CHD6: variants seen among roughly 807,000 people sequenced by gnomAD.
CHD6 encodes the protein chromodomain helicase DNA binding protein 6, also known as ATP-dependent chromatin remodeler CHD6.
Under a neutral mutation model 276.9 loss-of-function variants are expected in CHD6, and 50 were observed. The observed-to-expected ratio is 0.18, with a 90% confidence interval of 0.14 to 0.23. CHD6 has a LOEUF of 0.23. Ranked by LOEUF, CHD6 falls within the 10% of genes least tolerant of loss-of-function variation. The pLI is 1.00. For missense variants in CHD6, 2,564 were observed against 3,365.8 expected (o/e 0.76, Z 5.89); for synonymous variants, 1,173 against 1,229.3 (o/e 0.95, Z 0.96).
chr20:41,550,004 T>C (rs1242702800), intron 2 of CHD6, among the ~76,000 whole-genome samples: 2 of 152,240 alleles, frequency 1.3e-5, no homozygotes, highest in Non-Finnish European at 2.9e-5. Context: ...TTTTGCCATG[T>C]TGGCCAGGCT....
At chr20:41,478,185 T>C (rs1214344222) in intron 16 of CHD6, among the ~76,000 whole-genome samples, 1 of 152,112 alleles carries the variant, frequency 6.6e-6, no homozygotes, top group East Asian at 1.9e-4. Flanking sequence ...CAACAAGCCT[T>C]GCTCACATAC....
intron 1 of CHD6, among the ~76,000 whole-genome samples, chr20:41,571,685 T>C (rs776757176): frequency 9.9e-5 from 15 of 152,238 alleles, no homozygotes; most frequent in Middle Eastern, 3.4e-3. Context: ...ACAACCTTCA[T>C]ATGGTTTTTA....
intron 16 of CHD6, among the ~76,000 whole-genome samples, chr20:41,480,526 A>G (rs1448038106): frequency 1.3e-5 from 2 of 152,210 alleles, no homozygotes; most frequent in Non-Finnish European, 2.9e-5. Context: ...ACAAATATTA[A>G]CCTAACTCAA....
intron 1 of CHD6, among the ~76,000 whole-genome samples, chr20:41,591,192 C>T (rs1309392653): frequency 8.0e-6 from 1 of 124,806 alleles, no homozygotes; most frequent in Non-Finnish European, 1.6e-5. Context: ...AGGGGAACAT[C>T]ACACACCGGG....
rs372744290 is a variant in CHD6 at position 41,405,047 on chromosome 20, G to A, written c.7694C>T (p.Thr2565Ile). The change falls in exon 37 of 37, where the codon ACT becomes ATT. Residue 2565 changes from threonine to isoleucine, a missense_variant. Coordinates refer to ENST00000373233, the MANE Select transcript of CHD6 (RefSeq NM_032221.5). ...CGGCTTGTCTTCCGCAGTCTTTTCA[G>A]TCACTGCCGTACCACTTTTCGTTGT... ...SSTTKSGTAV[T>I]EKTAEDKPSS... is the part of the protein sequence containing the mutation. The A allele has an allele frequency of 1.2e-6, 2 of 1,614,224 alleles. No individual in the cohort carries two copies. Among genetic ancestry groups the A allele is most frequent in the South Asian group, 2.2e-5 (2 of 91,080 alleles).
chr20:41,617,803 G>A (rs993057104), intron 1 of CHD6, among the ~76,000 whole-genome samples: 6 of 151,456 alleles, frequency 4.0e-5, no homozygotes, highest in African/African-American at 1.5e-4. Flanking sequence ...ACAGCAGCCT[G>A]GCACCAGCCC....
intron 1 of CHD6, among the ~76,000 whole-genome samples, chr20:41,569,969 T>C (rs1382216531): frequency 6.6e-6 from 1 of 152,162 alleles, no homozygotes; most frequent in East Asian, 1.9e-4. Context: ...CCTGTTCCAA[T>C]GTTCCCTTCC....
chr20:41,409,937 T>C (rs2046793770), intron 36 of CHD6, among the ~76,000 whole-genome samples: 1 of 152,148 alleles, frequency 6.6e-6, no homozygotes, highest in Admixed American at 6.5e-5. Flanking sequence ...AGTATATGTG[T>C]GTGTATACAT....
intron 1 of CHD6, among the ~76,000 whole-genome samples, chr20:41,606,372 G>C (rs2146296745): frequency 6.6e-6 from 1 of 152,340 alleles, no homozygotes; most frequent in Non-Finnish European, 1.5e-5. Flanking sequence ...AAATTAGCCA[G>C]GCGTGGTGGC....
At chr20:41,606,543 C>T (rs1179047554) in intron 1 of CHD6, among the ~76,000 whole-genome samples, 2 of 151,908 alleles carry the variant, frequency 1.3e-5, no homozygotes, top group Admixed American at 6.5e-5. Context: ...GGTGTGGTGG[C>T]AGGCGCCTGT....
At chr20:41,515,756 T>G (rs1056698789) in intron 3 of CHD6, among the ~76,000 whole-genome samples, 2 of 152,232 alleles carry the variant, frequency 1.3e-5, no homozygotes, top group African/African-American at 4.8e-5. Context: ...CCTGGATAAA[T>G]GAGTATTTTA....
At chr20:41,534,645 A>G (rs1282931470) in intron 2 of CHD6, among the ~76,000 whole-genome samples, 1 of 152,114 alleles carries the variant, frequency 6.6e-6, no homozygotes, top group Non-Finnish European at 1.5e-5. Context: ...ATACAAAGGG[A>G]ATTGGTCATT....
chr20:41,567,438 G>T (rs938956515), intron 1 of CHD6, among the ~76,000 whole-genome samples: 1 of 152,096 alleles, frequency 6.6e-6, no homozygotes, highest in African/African-American at 2.4e-5. Context: ...CCACCACCCT[G>T]GGGGAGACTT....
rs548039458 is a variant in CHD6 at position 41,497,677 on chromosome 20, A to C, written c.975-176T>G. Reference sequence around the variant, plus strand: ...CCCTTAAGGGCAACAACAGAAAACAAAACAAAACGGAGTAATTCCAAGCAA... The same window carrying C: ...CCCTTAAGGGCAACAACAGAAAACACAACAAAACGGAGTAATTCCAAGCAA... On this transcript the variant is annotated intron_variant, in intron 7 of 36. Transcript: ENST00000373233. 35 of 605,790 alleles carry C rather than the reference A, an allele frequency of 5.8e-5. No individual in the cohort carries two copies. The African/African-American group carries it at 6.1e-4, about 11-fold the overall frequency. 37.5% of individuals were successfully genotyped at this position (605,790 alleles called of 1,614,324 possible).
At position 41,514,830 on chromosome 20, in the gene CHD6, T is replaced by A; in HGVS notation, c.677A>T (p.Glu226Val). ...LTNPSLRSPE[E>V]STESTDSQKR... ...CTGGCTGTCTGTAGACTCAGTGGAC[T>A]CCTCAGGACTCCGCAGAGATGGGTT... Residue 226 changes from glutamate (E) to valine (V), a missense_variant, in exon 4 of 37, where the codon GAG (glutamate) becomes GTG (valine). Glu to Val is a moderately radical substitution (Grantham distance 121, BLOSUM62 -2). Coordinates refer to ENST00000373233, the MANE Select transcript of CHD6 (RefSeq NM_032221.5). 3 of 1,613,914 alleles carry A rather than the reference T, an allele frequency of 1.9e-6. No homozygotes were observed. The highest frequency in any genetic ancestry group is 1.1e-5 in the South Asian group (1 of 91,036).
At chr20:41,413,611 C>A in intron 34 of CHD6, 96 bp from the exon 35 acceptor site, 1 of 1,037,044 alleles carries the variant, frequency 9.6e-7, no homozygotes, top group South Asian at 1.8e-5. Flanking sequence ...AATCACTCCA[C>A]CTATTTCCAC....
chr20:41,413,698 A>C, intron 34 of CHD6, 183 bp from the exon 35 acceptor site: 5 of 491,650 alleles, frequency 1.0e-5, no homozygotes, highest in Non-Finnish European at 1.4e-5. Context: ...AAGCTCTTGC[A>C]AGTGATTTGG....
rs749717053 is a variant in CHD6 at position 41,416,809 on chromosome 20, A to T, written c.6280-15T>A. On this transcript the variant is annotated splice_polypyrimidine_tract_variant and intron_variant, in intron 32 of 36. Transcript: ENST00000373233. Reference sequence around the variant, plus strand: ...ATCACGCGGTCCTAGAAAAAAGGATAAAGCTCTGATGAATAAGGATCGAGT... The same window carrying T: ...ATCACGCGGTCCTAGAAAAAAGGATTAAGCTCTGATGAATAAGGATCGAGT... 4.0e-6 allele frequency: 6 copies of T among 1,518,176 alleles called. No homozygotes were observed. In the African/African-American group the frequency reaches 8.3e-5, roughly 21 times the overall value. The allele number at this position is 1,518,176 out of a possible 1,614,324, so 94.0% of individuals were successfully genotyped here.
chr20:41,480,995 C>A (rs1336386590), intron 16 of CHD6, among the ~76,000 whole-genome samples: 1 of 152,070 alleles, frequency 6.6e-6, no homozygotes, highest in African/African-American at 2.4e-5. Context: ...TGCCTATAAT[C>A]CAGCTACTCA....
Sources: gnomAD v4.1 joint callset for allele counts (sites outside exome capture counted in the v4.1 genomes callset) on GRCh38, gnomAD v4.1.1 for gene constraint, MANE v1.5 for transcripts, NCBI Gene and HGNC (gene_info 2026-07-23, HGNC 2026-07-21) for gene names.